Variants in CSNK1G1 observed in about 807,000 individuals in gnomAD.
CSNK1G1 encodes casein kinase 1 gamma 1, also known as casein kinase I isoform gamma-1.
Under a neutral mutation model 59.6 loss-of-function variants are expected in CSNK1G1, and 22 were observed. The ratio of observed to expected loss-of-function variants is 0.37; its 90% CI spans 0.26 to 0.53. CSNK1G1 has a LOEUF of 0.53. CSNK1G1 is among the 20% of genes least tolerant of loss of function. The probability of loss-of-function intolerance (pLI) is 0.89; values close to 1 mark genes in which losing one functional copy is unlikely to be tolerated. For synonymous variants in CSNK1G1, 179 were observed against 177.1 expected (o/e 1.01, Z -0.08); for missense variants, 384 against 519.5 (o/e 0.74, Z 2.54).
intron 4 of CSNK1G1, among the ~76,000 whole-genome samples, chr15:64,240,507 A>T (rs1042726286): frequency 2.6e-5 from 4 of 152,158 alleles, no homozygotes; most frequent in African/African-American, 7.2e-5. Context: ...AAATTGTGAA[A>T]AGTCAAACAC....
At chr15:64,282,441 C>A (rs576028773) in intron 2 of CSNK1G1, among the ~76,000 whole-genome samples, 2 of 151,768 alleles carry the variant, frequency 1.3e-5, no homozygotes, top group South Asian at 2.1e-4. Context: ...ATTTTTATAT[C>A]TTTTTGTAGA....
intron 10 of CSNK1G1, among the ~76,000 whole-genome samples, chr15:64,201,836 C>CTT (rs1229518977): frequency 1.3e-5 from 2 of 150,986 alleles, no homozygotes; most frequent in African/African-American, 2.4e-5. Flanking sequence ...AATGTTAATA[C>CTT]AAGAAAGTGA....
At chr15:64,197,874 A>T (rs541950257) in intron 10 of CSNK1G1, among the ~76,000 whole-genome samples, 34 of 151,858 alleles carry the variant, frequency 2.2e-4, no homozygotes, top group African/African-American at 8.2e-4. Flanking sequence ...GTCTCCTAGG[A>T]CTCCTTTACT....
At chr15:64,337,358 CTGTTT>C (rs1257701463) in intron 1 of CSNK1G1, among the ~76,000 whole-genome samples, 2 of 152,108 alleles carry the variant, frequency 1.3e-5, no homozygotes, top group Non-Finnish European at 2.9e-5. Flanking sequence ...ACATTTTTGT[CTGTTT>C]TAAGAGACAG....
intron 10 of CSNK1G1, among the ~76,000 whole-genome samples, chr15:64,202,566 T>A (rs956479854): frequency 7.3e-5 from 11 of 150,942 alleles, no homozygotes; most frequent in African/African-American, 1.2e-4. Flanking sequence ...TTTTTTTTTT[T>A]AAGACAGGGT....
At chr15:64,323,657 G>A (rs1443171994) in intron 1 of CSNK1G1, among the ~76,000 whole-genome samples, 1 of 152,108 alleles carries the variant, frequency 6.6e-6, no homozygotes, top group Non-Finnish European at 1.5e-5. Context: ...GAACCACTGT[G>A]CCTGGCCAAT....
intron 1 of CSNK1G1, among the ~76,000 whole-genome samples, chr15:64,318,289 T>C (rs1388686521): frequency 6.6e-6 from 1 of 152,096 alleles, no homozygotes; most frequent in Non-Finnish European, 1.5e-5. Flanking sequence ...TATGTGGTTC[T>C]AACAACAGTG....
chr15:64,296,095 C>G (rs1017233674), intron 2 of CSNK1G1, among the ~76,000 whole-genome samples: 1 of 152,132 alleles, frequency 6.6e-6, no homozygotes, highest in Non-Finnish European at 1.5e-5. Flanking sequence ...TATTAACCTT[C>G]TCTGCCAATG....
At chr15:64,299,494 A>C (rs1895207252) in intron 2 of CSNK1G1, among the ~76,000 whole-genome samples, 1 of 151,912 alleles carries the variant, frequency 6.6e-6, no homozygotes, top group Non-Finnish European at 1.5e-5. Context: ...TGGGAGGTTG[A>C]GGCAGGAGAA....
chr15:64,238,671 C>T (rs2082653225), intron 4 of CSNK1G1, among the ~76,000 whole-genome samples: 1 of 151,336 alleles, frequency 6.6e-6, no homozygotes, highest in African/African-American at 2.4e-5. Context: ...AGACTGAGCC[C>T]TACTGACTTG....
rs1325671858 is a variant in CSNK1G1 at position 64,316,610 on chromosome 15, CT to C, written c.-224-15888del. On this transcript the variant is annotated intron_variant, in intron 1 of 11. Transcript: ENST00000303052. ...CTATCATAAAGGGAGGAGACCACCC[CT>C]CATGTTGTCTTATGCCCAATTTCTG... Among the ~76,000 whole-genome samples the C allele has an allele frequency of 1.4e-4, 21 of 151,780 alleles. No individual in the cohort carries two copies. The East Asian group carries it at 3.7e-3, about 27-fold the overall frequency.
chr15:64,300,967 C>T (rs1895298134), intron 1 of CSNK1G1, among the ~76,000 whole-genome samples: 1 of 152,208 alleles, frequency 6.6e-6, no homozygotes, highest in Admixed American at 6.5e-5. Flanking sequence ...ATATAGAATG[C>T]TTTCTTCTAG....
chr15:64,259,150 T>G (rs1339524251), intron 3 of CSNK1G1, 51 bp downstream of exon 3: 1 of 1,449,802 alleles, frequency 6.9e-7, no homozygotes, highest in Non-Finnish European at 9.5e-7. Flanking sequence ...TAAAAAGATA[T>G]AAGCAATGGG....
chr15:64,258,923 C>G lies in CSNK1G1; in HGVS notation c.222+278G>C, dbSNP rs564839878. On this transcript the variant is annotated intron_variant, in intron 3 of 11. Coordinates refer to ENST00000303052, the MANE Select transcript of CSNK1G1 (RefSeq NM_022048.5). ...AGATACCTCTGTGAAAGATTAAGTTCACAGAGTTACTAGTTCTTCCAGCTT... is the reference window on the plus strand; with the variant it reads ...AGATACCTCTGTGAAAGATTAAGTTGACAGAGTTACTAGTTCTTCCAGCTT... Among the ~76,000 whole-genome samples, 7 of 152,032 alleles carry G rather than the reference C, an allele frequency of 4.6e-5. No individual in the cohort carries two copies. The South Asian group carries it at 1.5e-3, about 32-fold the overall frequency.
intron 2 of CSNK1G1, among the ~76,000 whole-genome samples, chr15:64,278,132 G>A (rs1356167847): frequency 6.6e-6 from 1 of 150,590 alleles, no homozygotes; most frequent in African/African-American, 2.4e-5. Flanking sequence ...TGCAACCTCT[G>A]CCCCGCCGGT....
rs766395856 is a variant in CSNK1G1, at chr15:64,171,941, C to T, written c.1259G>A (p.Arg420His). Residue 420 changes from arginine to histidine, a missense_variant, in exon 12 of 12, where the codon CGC becomes CAC. Around this residue, in one of 3 missense-constraint regions of CSNK1G1, gnomAD observed 325 missense variants for 440.9 expected, o/e 0.74. Transcript: ENST00000303052. This position sits in a 1 kb window ranked among gnomAD's most constrained non-coding sequence, Gnocchi z 4.8. ...FKRKRKKTAQ[R>H]HK is the part of the protein sequence containing the mutation. ...CCTGGGAGGCACTGGTCACTTGTGG[C>T]GCTGAGCAGTCTTCTTCCTTTTCCT... is the stretch of plus-strand genomic sequence containing the variant. 39 of 1,613,910 alleles carry T rather than the reference C, an allele frequency of 2.4e-5. No homozygotes were observed. Among genetic ancestry groups the T allele is most frequent in the South Asian group, 1.5e-4 (14 of 91,082 alleles).
intron 10 of CSNK1G1, 99 bp downstream of exon 10, chr15:64,202,983 T>C: frequency 1.2e-6 from 1 of 862,684 alleles, no homozygotes; most frequent in Non-Finnish European, 1.9e-6. Flanking sequence ...GATCTTTATT[T>C]TCAGTACATA....
intron 1 of CSNK1G1, among the ~76,000 whole-genome samples, chr15:64,341,932 G>A (rs1897701708): frequency 6.6e-6 from 1 of 152,192 alleles, no homozygotes; most frequent in African/African-American, 2.4e-5. Flanking sequence ...ACTATTGAAA[G>A]TTACTTCGAA....
intron 10 of CSNK1G1, among the ~76,000 whole-genome samples, chr15:64,186,709 T>G (rs151204548): frequency 5.9e-5 from 9 of 152,302 alleles, no homozygotes; most frequent in African/African-American, 2.2e-4. Flanking sequence ...AATATCTTGC[T>G]ATATTGCCAG....
Sources: gnomAD v4.1 joint callset for allele counts (sites outside exome capture counted in the v4.1 genomes callset) on GRCh38, gnomAD v4.1.1 for gene constraint, gnomAD v4.1.1 regional missense constraint, Gnocchi (gnomAD v3.1) non-coding constraint, MANE v1.5 for transcripts, NCBI Gene and HGNC (gene_info 2026-07-23, HGNC 2026-07-21) for gene names.